Variants in ADGRV1 observed in about 807,000 individuals in gnomAD.
The protein encoded by ADGRV1 is G-protein coupled receptor 98.
In ADGRV1, 359 loss-of-function variants were observed where a neutral mutation model predicts 596.2. That is an observed-to-expected ratio of 0.60 (90% CI 0.55 to 0.66). ADGRV1 has a LOEUF of 0.66. ADGRV1 is among the 30% of genes least tolerant of loss of function. The pLI, the probability that ADGRV1 is intolerant of heterozygous loss-of-function variation, is 0.00. For synonymous variants in ADGRV1, 2,681 were observed against 2,679.2 expected (o/e 1.00, Z -0.02); for missense variants, 7,274 against 7,575.6 (o/e 0.96, Z 1.48).
intron 16 of ADGRV1, among the ~76,000 whole-genome samples, chr5:90,646,819 G>A (rs1767857870): frequency 6.7e-6 from 1 of 149,378 alleles, no homozygotes; most frequent in South Asian, 2.1e-4. Context: ...CTGTCACCAG[G>A]CTGGAGTGCA....
intron 77 of ADGRV1, among the ~76,000 whole-genome samples, chr5:90,837,377 C>CT (rs71622477): frequency 0.089 from 12,024 of 135,668 alleles, 671 homozygotes; most frequent in Middle Eastern, 0.2. Context: ...TTTTTTTTTT[C>CT]TTTTTTTTTT....
intron 50 of ADGRV1, among the ~76,000 whole-genome samples, 190 bp downstream of exon 50, chr5:90,729,954 C>A (rs540669995): frequency 6.6e-6 from 1 of 152,036 alleles, no homozygotes; most frequent in Admixed American, 6.6e-5. Context: ...GCAAGCTCCG[C>A]CTCCCAGGTT....
intron 50 of ADGRV1, among the ~76,000 whole-genome samples, chr5:90,742,615 A>ATG (rs141934443): frequency 3.3e-5 from 5 of 151,934 alleles, no homozygotes; most frequent in African/African-American, 4.8e-5. Flanking sequence ...AAGAGAGAGC[A>ATG]TGTGTGTGTG....
chr5:91,119,017 C>T (rs945430800), intron 87 of ADGRV1, among the ~76,000 whole-genome samples: 7 of 152,106 alleles, frequency 4.6e-5, no homozygotes, highest in African/African-American at 1.7e-4. Flanking sequence ...CTCATACATT[C>T]ACAGCTCTGT....
chr5:90,860,063 C>T (rs1174469333), intron 82 of ADGRV1, among the ~76,000 whole-genome samples: 1 of 151,844 alleles, frequency 6.6e-6, no homozygotes, highest in East Asian at 1.9e-4. Flanking sequence ...TGCACTCCAG[C>T]CTGGGAGACT....
intron 1 of ADGRV1, among the ~76,000 whole-genome samples, chr5:90,610,378 G>A (rs1408134566): frequency 6.6e-6 from 1 of 151,978 alleles, no homozygotes; most frequent in Non-Finnish European, 1.5e-5. Flanking sequence ...ATGTAAAGAA[G>A]CAAGATATTG....
At chr5:90,590,074 CTTA>C (rs1759279708) in intron 1 of ADGRV1, among the ~76,000 whole-genome samples, 1 of 152,008 alleles carries the variant, frequency 6.6e-6, no homozygotes, top group Non-Finnish European at 1.5e-5. Flanking sequence ...TATGACTTCC[CTTA>C]TTATTTTAAA....
At chr5:91,026,856 A>G (rs1029623788) in intron 85 of ADGRV1, among the ~76,000 whole-genome samples, 2 of 152,018 alleles carry the variant, frequency 1.3e-5, no homozygotes, top group African/African-American at 4.8e-5. Context: ...CTTGCTGTCT[A>G]ACTAGGTTGG....
chr5:90,877,460 G>A (rs1317958080), intron 83 of ADGRV1, among the ~76,000 whole-genome samples: 1 of 152,128 alleles, frequency 6.6e-6, no homozygotes, highest in Admixed American at 6.5e-5. Flanking sequence ...TGTCTCACAA[G>A]CATTTTTTTG....
intron 83 of ADGRV1, among the ~76,000 whole-genome samples, chr5:90,874,352 G>T (rs768476032): frequency 6.6e-6 from 1 of 152,106 alleles, no homozygotes; most frequent in Non-Finnish European, 1.5e-5. Context: ...AGTGGCCTCC[G>T]CAAGAAGACC....
intron 87 of ADGRV1, among the ~76,000 whole-genome samples, chr5:91,113,559 C>T (rs557408564): frequency 1.3e-5 from 2 of 152,240 alleles, no homozygotes; most frequent in African/African-American, 4.8e-5. Flanking sequence ...TCAGTTGTTC[C>T]ATAATTATAG....
At chr5:90,786,379 C>A (rs948566181) in intron 67 of ADGRV1, among the ~76,000 whole-genome samples, 1 of 152,148 alleles carries the variant, frequency 6.6e-6, no homozygotes, top group Admixed American at 6.6e-5. Context: ...TGCACATGTA[C>A]CCTTGAACTT....
intron 21 of ADGRV1, among the ~76,000 whole-genome samples, chr5:90,671,648 G>A (rs1184212825): frequency 6.6e-6 from 1 of 152,156 alleles, no homozygotes; most frequent in African/African-American, 2.4e-5. Context: ...GATCAGAGAT[G>A]CTTATGGTTC....
chr5:90,647,654 C>T lies in ADGRV1; in HGVS notation c.3179C>T (p.Thr1060Met), dbSNP rs768978840. The T allele has an allele frequency of 1.3e-5, 21 of 1,613,718 alleles. No homozygotes were observed. Among genetic ancestry groups the T allele is most frequent in the African/African-American group, 5.3e-5 (4 of 74,896 alleles). The change falls in exon 17 of 90, where the codon ACG (threonine) becomes ATG (methionine). Residue 1060 changes from threonine (T) to methionine (M), a missense_variant. Coordinates refer to ENST00000405460, the MANE Select transcript of ADGRV1 (RefSeq NM_032119.4). Reference sequence around the variant, plus strand: ...TTCATTCCTGTTGAAAAAGGAGAAACGCTCATTTTTGAGGTTGGAAGTAGA... The same window carrying T: ...TTCATTCCTGTTGAAAAAGGAGAAATGCTCATTTTTGAGGTTGGAAGTAGA... ...RDFIPVEKGE[T>M]LIFEVGSRQQ...
chr5:91,115,457 C>T (rs1442762270), intron 87 of ADGRV1, among the ~76,000 whole-genome samples: 1 of 152,122 alleles, frequency 6.6e-6, no homozygotes, highest in Non-Finnish European at 1.5e-5. Context: ...GATGAGGAAG[C>T]CTGTGCATGC....
At chr5:90,618,293 A>C (rs16868848) in intron 3 of ADGRV1, among the ~76,000 whole-genome samples, 1 of 152,116 alleles carries the variant, frequency 6.6e-6, no homozygotes, top group Non-Finnish European at 1.5e-5. Context: ...GACTTCTGAG[A>C]TCAAAGGACA....
chr5:90,969,929 C>T (rs999708113), intron 84 of ADGRV1, among the ~76,000 whole-genome samples: 3 of 152,204 alleles, frequency 2.0e-5, no homozygotes, highest in Admixed American at 1.3e-4. Flanking sequence ...GGCGAGGCAT[C>T]GCCTCACCAG....
intron 2 of ADGRV1, among the ~76,000 whole-genome samples, 182 bp downstream of exon 2, chr5:90,615,201 A>G (rs972694605): frequency 6.6e-6 from 1 of 151,930 alleles, no homozygotes; most frequent in African/African-American, 2.4e-5. Context: ...GCTCCAACAT[A>G]ATCATGTATA....
At chr5:91,040,940 AC>A (rs1785287919) in intron 85 of ADGRV1, among the ~76,000 whole-genome samples, 1 of 152,180 alleles carries the variant, frequency 6.6e-6, no homozygotes, top group East Asian at 1.9e-4. Context: ...ACCATCTTCT[AC>A]CCAATCTTCT....
Sources: allele counts gnomAD v4.1 joint callset (sites outside exome capture counted in the v4.1 genomes callset), GRCh38; gene constraint gnomAD v4.1.1; transcripts MANE v1.5; gene names NCBI Gene and HGNC (gene_info 2026-07-23, HGNC 2026-07-21).